Variants in PCNX1 observed in about 807,000 individuals in gnomAD.
PCNX1 encodes the protein pecanex 1.
In PCNX1, 78 loss-of-function variants were observed where a neutral mutation model predicts 242.2. The observed-to-expected ratio is 0.32, with a 90% CI of 0.27 to 0.39. The LOEUF is 0.39. PCNX1 is among the 10% of genes least tolerant of loss of function. The pLI is 1.00. For synonymous variants in PCNX1, 1,024 were observed against 1,032.9 expected (o/e 0.99, Z 0.17); for missense variants, 2,581 against 2,856.5 (o/e 0.90, Z 2.20).
chr14:70,915,416 C>CG (rs2056114267), intron 1 of PCNX1, among the ~76,000 whole-genome samples: 1 of 152,076 alleles, frequency 6.6e-6, no homozygotes, highest in Non-Finnish European at 1.5e-5. Context: ...TTGGTAATTC[C>CG]ATCACCCCTG....
intron 30 of PCNX1, among the ~76,000 whole-genome samples, chr14:71,097,480 T>A (rs1166462340): frequency 1.3e-5 from 2 of 152,216 alleles, no homozygotes; most frequent in African/African-American, 2.4e-5. Flanking sequence ...TTTTTGACTT[T>A]TTAATAATAG....
intron 6 of PCNX1, among the ~76,000 whole-genome samples, chr14:70,981,232 G>A (rs1275780127): frequency 1.3e-5 from 2 of 152,154 alleles, no homozygotes; most frequent in East Asian, 1.9e-4. Context: ...TGCTGTGACT[G>A]TTCAAGGCCA....
intron 7 of PCNX1, among the ~76,000 whole-genome samples, chr14:70,995,528 G>C (rs536369520): frequency 6.6e-6 from 1 of 152,130 alleles, no homozygotes; most frequent in Non-Finnish European, 1.5e-5. Flanking sequence ...ATTTAATGTT[G>C]ACTGCATTTG....
At chr14:70,952,690 C>A (rs1189782092) in intron 2 of PCNX1, among the ~76,000 whole-genome samples, 1 of 151,956 alleles carries the variant, frequency 6.6e-6, no homozygotes, top group South Asian at 2.1e-4. Context: ...TAAGAATAGA[C>A]CATAGTCTAT....
chr14:71,044,596 T>A (rs2060805454), intron 19 of PCNX1: 2 of 152,564 alleles, frequency 1.3e-5, no homozygotes, highest in South Asian at 4.1e-4. Context: ...GATACTGGGC[T>A]CTGCTGGCTG....
rs202015174 is a variant in PCNX1, at chr14:71,073,530, C to G, written c.4853-15C>G. ...TGGTTTTCCCCCTTTGTAAAGCTCT[C>G]TCTCTCTCTCTAAGGTACCTACTGT... On this transcript the variant is annotated splice_polypyrimidine_tract_variant and intron_variant, in intron 26 of 35. Transcript: ENST00000304743. 1.9e-6 allele frequency: 3 copies of G among 1,587,102 alleles called. No homozygotes were observed. Among genetic ancestry groups the G allele is most frequent in the Non-Finnish European group, 2.6e-6 (3 of 1,162,524 alleles).
intron 1 of PCNX1, among the ~76,000 whole-genome samples, chr14:70,923,518 A>G (rs2056459443): frequency 6.6e-6 from 1 of 152,214 alleles, no homozygotes; most frequent in African/African-American, 2.4e-5. Context: ...CTACCTGCAC[A>G]TGATCCTCCT....
At chr14:71,075,062 G>A (rs761235708) in intron 27 of PCNX1, among the ~76,000 whole-genome samples, 13 of 137,426 alleles carry the variant, frequency 9.5e-5, no homozygotes, top group African/African-American at 2.8e-4. Context: ...TGGCATGATC[G>A]TAGCTCACTG....
At chr14:70,931,067 G>A (rs35127721) in intron 1 of PCNX1, among the ~76,000 whole-genome samples, 13,503 of 152,070 alleles carry the variant, frequency 0.089, 713 homozygotes, top group Admixed American at 0.17. Context: ...AAATTTATAG[G>A]TAATATTTGA....
chr14:70,940,397 G>T (rs925537573), intron 1 of PCNX1, among the ~76,000 whole-genome samples: 6 of 152,116 alleles, frequency 3.9e-5, no homozygotes, highest in African/African-American at 1.2e-4. Flanking sequence ...GCTTAGTTTG[G>T]CTGGATATGA....
rs532971399 is a variant in PCNX1, at chr14:70,916,894, A to G, written c.153+8891A>G. On this transcript the variant is annotated intron_variant, in intron 1 of 35. Transcript: ENST00000304743. The stretch of plus-strand genomic sequence containing the variant: ...ACAGTAAAACTTCTTTCAAAATTAG[A>G]GTCAGCTGTCTCAAATCCTGTTACT... 6.6e-4 allele frequency among the ~76,000 whole-genome samples: 101 copies of G among 152,312 alleles called. 1 individual carries two copies. The highest frequency in any genetic ancestry group is 9.4e-4 in the Non-Finnish European group (64 of 68,014).
chr14:71,061,331 T>C (rs552209407), intron 26 of PCNX1, among the ~76,000 whole-genome samples: 1 of 152,326 alleles, frequency 6.6e-6, no homozygotes, highest in Non-Finnish European at 1.5e-5. Flanking sequence ...TCTTCCCAGA[T>C]GCCCTCCTGA....
intron 19 of PCNX1, among the ~76,000 whole-genome samples, chr14:71,042,371 A>G (rs750477940): frequency 1.3e-5 from 2 of 152,032 alleles, no homozygotes; most frequent in African/African-American, 2.4e-5. Flanking sequence ...ATGTATGTTT[A>G]TAATTGTTAT....
At chr14:70,939,932 TCA>T (rs1566592282) in intron 1 of PCNX1, among the ~76,000 whole-genome samples, 2 of 152,220 alleles carry the variant, frequency 1.3e-5, no homozygotes, top group African/African-American at 4.8e-5. Context: ...GTCTGTCTTA[TCA>T]GAGACTAGGA....
intron 16 of PCNX1, among the ~76,000 whole-genome samples, chr14:71,030,394 T>C (rs1009719556): frequency 1.3e-5 from 2 of 152,096 alleles, no homozygotes; most frequent in African/African-American, 4.8e-5. Context: ...TTCCTCAGAG[T>C]ATTCTAGTTT....
intron 1 of PCNX1, 151 bp from the exon 2 acceptor site, chr14:70,946,764 C>A: frequency 1.6e-6 from 1 of 606,980 alleles, no homozygotes; most frequent in Non-Finnish European, 2.9e-6. Flanking sequence ...TTGCATTGGG[C>A]ATTGAAGCTG....
chr14:70,976,210 G>T (rs575265269), intron 5 of PCNX1, among the ~76,000 whole-genome samples: 1 of 152,070 alleles, frequency 6.6e-6, no homozygotes, highest in Middle Eastern at 3.2e-3. Context: ...GTTATTCCTT[G>T]CCTGTGACTC....
chr14:71,103,278 C>T (rs528440276), intron 31 of PCNX1, 117 bp from the exon 32 acceptor site: 238 of 1,160,370 alleles, frequency 2.1e-4, no homozygotes, highest in Admixed American at 4.3e-4. Context: ...ATTTGTTCCC[C>T]GCTTTTCACA....
intron 1 of PCNX1, among the ~76,000 whole-genome samples, chr14:70,924,004 G>T (rs1368353823): frequency 6.6e-6 from 1 of 152,140 alleles, no homozygotes; most frequent in Non-Finnish European, 1.5e-5. Flanking sequence ...GCCGAGGCAG[G>T]CAGATTGCTT....
Sources: gnomAD v4.1 joint callset for allele counts (sites outside exome capture counted in the v4.1 genomes callset) on GRCh38, gnomAD v4.1.1 for gene constraint, MANE v1.5 for transcripts, NCBI Gene and HGNC (gene_info 2026-07-23, HGNC 2026-07-21) for gene names.